The following CD5L variants were observed in gnomAD, a reference collection of about 807,000 sequenced individuals.
CD5L encodes CD5 molecule like.
Under a neutral mutation model 40.8 loss-of-function variants are expected in CD5L, and 39 were observed. The ratio of observed to expected loss-of-function variants is 0.96; its 90% confidence interval spans 0.74 to 1.25. The LOEUF (loss-of-function observed/expected upper bound fraction) is 1.25. CD5L is among the 50% of genes most tolerant of loss of function. CD5L has a pLI of 0.00. For synonymous variants in CD5L, 192 were observed against 169.6 expected (o/e 1.13, Z -1.03); for missense variants, 433 against 435.9 (o/e 0.99, Z 0.06).
Position 157,833,255 on chromosome 1 carries a change from G to C in CD5L, c.976C>G (p.Gln326Glu). The C allele has an allele frequency of 1.2e-6, 2 of 1,614,134 alleles. No homozygotes were observed. The highest frequency in any genetic ancestry group is 1.7e-6 in the Non-Finnish European group (2 of 1,180,020). ...SGEEQSLEQC[Q>E]HRFWGFHDCT... ...TCGTGAAACCCCCAAAATCTGTGCT[G>C]GCACTGCTCCAGGGACTGCTCCTCC... The change falls in exon 5 of 6, where the codon CAG (glutamine) becomes GAG (glutamate). Residue 326 changes from glutamine to glutamate, a missense_variant. Transcript: ENST00000368174.
In CD5L at chr1:157,831,429, T is replaced by C; in HGVS notation, c.*535A>G. The stretch of plus-strand genomic sequence containing the variant: ...GGGAGGTGTTGCTATTGTGGTCACC[T>C]GAAGCTTGAGGAAAAAAAAAAAAAG... On this transcript the variant is annotated 3_prime_UTR_variant, in exon 6 of 6. Coordinates refer to ENST00000368174, the MANE Select transcript of CD5L (RefSeq NM_005894.3). 2 of 984,746 alleles carry C rather than the reference T, an allele frequency of 2.0e-6. No homozygotes were observed. The highest frequency in any genetic ancestry group is 2.4e-6 in the Non-Finnish European group (2 of 829,800). The allele number at this position is 984,746 out of a possible 1,614,324, so 61.0% of individuals were successfully genotyped here. A position where few individuals can be genotyped will look rare whatever the true frequency, so the allele number is the denominator to read the frequency against.
rs747471540 is a variant in CD5L, at chr1:157,834,611, C to A, written c.514G>T (p.Ala172Ser). 1 of 1,614,068 alleles carries A rather than the reference C, an allele frequency of 6.2e-7. No individual in the cohort carries two copies. Among genetic ancestry groups the A allele is most frequent in the African/African-American group, 1.3e-5 (1 of 74,940 alleles). Residue 172 changes from alanine (A) to serine (S), a missense_variant, in exon 4 of 6, where the codon GCA (alanine) becomes TCA (serine). Physicochemically the swap from Ala to Ser is moderately conservative, Grantham distance 99 (BLOSUM62 1). Transcript: ENST00000368174. ...VCQTGWSLRA[A>S]KVVCRQLGCG... ...CCCAGCTGCCGGCACACCACCTTTG[C>A]GGCCCGGAGGCTCCAGCCTGTCTGG... is the stretch of plus-strand genomic sequence containing the variant.
chr1:157,833,701 G>A (rs1029697153), intron 4 of CD5L, among the ~76,000 whole-genome samples, 189 bp from the exon 5 acceptor site: 7 of 151,526 alleles, frequency 4.6e-5, no homozygotes, highest in African/African-American at 1.7e-4. Flanking sequence ...AACCTCGAGG[G>A]CCCTAGTGAT....
Position 157,831,337 on chromosome 1 carries a change from C to T in CD5L, c.*627G>A, listed in dbSNP as rs182904391. The stretch of plus-strand genomic sequence containing the variant: ...CATTTTTTACACGTCATGAAAAGGT[C>T]TAGGATTATAGGACGCTGCTCTGCT... On this transcript the variant is annotated 3_prime_UTR_variant, in exon 6 of 6. Coordinates refer to ENST00000368174, the MANE Select transcript of CD5L (RefSeq NM_005894.3). 1.0e-6 allele frequency: 1 copy of T among 985,076 alleles called. No homozygotes were observed. The highest frequency in any genetic ancestry group is 1.1e-4 in the East Asian group (1 of 8,794). The allele number at this position is 985,076 out of a possible 1,614,324, so 61.0% of individuals were successfully genotyped here.
intron 2 of CD5L, among the ~76,000 whole-genome samples, chr1:157,836,840 G>C (rs1656230611): frequency 6.6e-6 from 1 of 152,188 alleles, no homozygotes; most frequent in African/African-American, 2.4e-5. Flanking sequence ...GAGTCTCAGA[G>C]CCCCAAGAGT....
At chr1:157,840,363 C>A (rs1013307747) in intron 1 of CD5L, among the ~76,000 whole-genome samples, 4 of 152,148 alleles carry the variant, frequency 2.6e-5, no homozygotes, top group Admixed American at 2.6e-4. Context: ...TATGCATTTT[C>A]AACTGCAAAA....
intron 4 of CD5L, 145 bp from the exon 5 acceptor site, chr1:157,833,657 G>A (rs746086255): frequency 5.7e-5 from 38 of 669,114 alleles, no homozygotes; most frequent in Non-Finnish European, 8.6e-5. Flanking sequence ...CCAGGCTGGA[G>A]TGTAGTGGTG....
rs1656210691 is a variant in CD5L, at chr1:157,836,170, G to A, written c.56-15C>T. On this transcript the variant is annotated splice_polypyrimidine_tract_variant and intron_variant, in intron 2 of 5. Coordinates refer to ENST00000368174, the MANE Select transcript of CD5L (RefSeq NM_005894.3). ...AGATGGAGACGCTGCAAAGAGACGGGTTGTTAGCTAGAGGCCTGAGAGGAG... is the reference window on the plus strand; with the variant it reads ...AGATGGAGACGCTGCAAAGAGACGGATTGTTAGCTAGAGGCCTGAGAGGAG... 9 of 1,602,614 alleles carry A rather than the reference G, an allele frequency of 5.6e-6. No homozygotes were observed. The highest frequency in any genetic ancestry group is 7.7e-6 in the Non-Finnish European group (9 of 1,174,014).
chr1:157,839,355 T>C (rs1656301834), intron 2 of CD5L, 29 bp downstream of exon 2: 2 of 1,612,174 alleles, frequency 1.2e-6, no homozygotes, highest in African/African-American at 1.3e-5. Flanking sequence ...GCTTGAGGCC[T>C]CCCTCTCAGA....
At chr1:157,833,640 C>T (rs893515386) in intron 4 of CD5L, 128 bp from the exon 5 acceptor site, 3 of 745,656 alleles carry the variant, frequency 4.0e-6, no homozygotes, top group African/African-American at 3.5e-5. Context: ...TCGTCTCACT[C>T]TGTTGCCCAG....
intron 2 of CD5L, among the ~76,000 whole-genome samples, chr1:157,837,938 G>A (rs1350955012): frequency 1.3e-5 from 2 of 151,998 alleles, no homozygotes; most frequent in Admixed American, 1.3e-4. Flanking sequence ...ACCACACCTG[G>A]CTAATTTTTT....
downstream of CD5L, among the ~76,000 whole-genome samples, chr1:157,829,307 T>G (rs1331926109): frequency 6.6e-6 from 1 of 152,194 alleles, no homozygotes; most frequent in Non-Finnish European, 1.5e-5. Flanking sequence ...AAGAGAGAAA[T>G]GAGACATTGA....
Position 157,833,187 on chromosome 1 carries a change from C to T in CD5L, c.1039+5G>A, listed in dbSNP as rs1557939794. On this transcript the variant is annotated splice_donor_5th_base_variant and intron_variant, in intron 5 of 5. Coordinates refer to ENST00000368174, the MANE Select transcript of CD5L (RefSeq NM_005894.3). ...GCCCTTATGAACTCCATCTGTAGGACTCACCTGAGCAGATGACAGCCACAT... is the reference window on the plus strand; with the variant it reads ...GCCCTTATGAACTCCATCTGTAGGATTCACCTGAGCAGATGACAGCCACAT... The T allele has an allele frequency of 2.5e-6, 4 of 1,606,428 alleles. No individual in the cohort carries two copies. Among genetic ancestry groups the T allele is most frequent in the Non-Finnish European group, 3.4e-6 (4 of 1,174,462 alleles).
chr1:157,837,057 G>A (rs1200480625), intron 2 of CD5L, among the ~76,000 whole-genome samples: 1 of 152,052 alleles, frequency 6.6e-6, no homozygotes, highest in African/African-American at 2.4e-5. Context: ...AAGAGTTTAA[G>A]ACCAGCCTGG....
At chr1:157,830,797 A>C (rs899426939), downstream of CD5L, 11 of 263,672 alleles carry the variant, frequency 4.2e-5, no homozygotes, top group South Asian at 1.4e-4. Context: ...TTTTACACAT[A>C]TGGTTGTAAC....
chr1:157,833,126 C>T, intron 5 of CD5L, 66 bp downstream of exon 5: 1 of 1,261,842 alleles, frequency 7.9e-7, no homozygotes, highest in Non-Finnish European at 1.1e-6. Context: ...GAGTACACCC[C>T]CATCATTTCC....
intron 5 of CD5L, among the ~76,000 whole-genome samples, chr1:157,832,836 T>C (rs1656084253): frequency 1.3e-5 from 2 of 152,214 alleles, no homozygotes; most frequent in African/African-American, 4.8e-5. Context: ...ATTTTAATGC[T>C]TTTGAAGGTT....
intron 5 of CD5L, 39 bp from the exon 6 acceptor site, chr1:157,832,007 A>G (rs1274127298): frequency 2.7e-6 from 4 of 1,455,968 alleles, no homozygotes. Flanking sequence ...GGATGGGTAT[A>G]GTCCAGGAAG....
intron 1 of CD5L, 111 bp downstream of exon 1, chr1:157,841,563 C>A: frequency 1.1e-6 from 1 of 875,478 alleles, no homozygotes; most frequent in South Asian, 1.7e-5. Context: ...GAGGAAGAAG[C>A]TCATCCTTGA....
Sources: allele counts gnomAD v4.1 joint callset (sites outside exome capture counted in the v4.1 genomes callset), GRCh38; gene constraint gnomAD v4.1.1; transcripts MANE v1.5; gene names NCBI Gene and HGNC (gene_info 2026-07-23, HGNC 2026-07-21).